Variants in PPP1R3F observed in about 807,000 individuals in gnomAD.
PPP1R3F encodes protein phosphatase 1 regulatory subunit 3F.
Under a neutral mutation model 24.2 loss-of-function variants are expected in PPP1R3F, and 29 were observed. The observed-to-expected ratio is 1.20, with a 90% CI of 0.89 to 1.63. PPP1R3F has a LOEUF of 1.63. Among genes scored for constraint, PPP1R3F ranks in the 40% most tolerant of loss-of-function variants. PPP1R3F has a pLI of 0.00. For missense variants in PPP1R3F, 823 were observed against 729.3 expected, an observed-to-expected ratio of 1.13 and a Z score of -1.48; for synonymous variants, 363 against 340.1, an observed-to-expected ratio of 1.07 and a Z score of -0.74.
In PPP1R3F at chrX:49,270,520, C is replaced by T. The variant is rs180878665; in HGVS notation, c.651C>T (p.Ile217=). 923 of 1,204,895 alleles carry T rather than the reference C, an allele frequency of 7.7e-4. 8 individuals are homozygous for T. The East Asian group carries it at 0.023, about 30-fold the overall frequency. Residue 217 remains isoleucine (I), a synonymous_variant, in exon 1 of 4, where the codon ATC becomes ATT. Transcript: ENST00000055335. The part of the protein sequence containing the change: ...GAGGTGAGDP[I]LDPGLGLGPG... ...GAGGAACAGGAGCAGGAGATCCCATCCTGGATCCGGGGCTCGGCCTGGGTC... is the reference window on the plus strand; with the variant it reads ...GAGGAACAGGAGCAGGAGATCCCATTCTGGATCCGGGGCTCGGCCTGGGTC...
At chrX:49,299,201 C>A (rs781790424) in intron 3 of PPP1R3F, among the ~76,000 whole-genome samples, 3 of 111,763 alleles carry the variant, frequency 2.7e-5, no homozygotes, top group South Asian at 7.6e-4. Context: ...GTGTGGATGT[C>A]CTTTTTGTTG....
intron 3 of PPP1R3F, among the ~76,000 whole-genome samples, chrX:49,282,335 T>C (rs1368786627): frequency 1.8e-5 from 2 of 111,611 alleles, no homozygotes; most frequent in Non-Finnish European, 3.8e-5. Flanking sequence ...TTGAGGGGGC[T>C]TATGTGTTAG....
At chrX:49,298,088 G>A (rs782298090) in intron 3 of PPP1R3F, among the ~76,000 whole-genome samples, 1 of 110,767 alleles carries the variant, frequency 9.0e-6, no homozygotes, top group South Asian at 3.8e-4. Context: ...TTGCCCATTC[G>A]TTCATGCAGT....
intron 3 of PPP1R3F, among the ~76,000 whole-genome samples, chrX:49,294,643 C>T (rs934414797): frequency 4.6e-5 from 5 of 109,573 alleles, no homozygotes; most frequent in African/African-American, 9.9e-5. Flanking sequence ...GGCAGGGTGG[C>T]TCACGCCTGT....
At chrX:49,285,397 T>C (rs1450961968) in intron 3 of PPP1R3F, among the ~76,000 whole-genome samples, 2 of 111,134 alleles carry the variant, frequency 1.8e-5, no homozygotes, top group East Asian at 5.6e-4. Context: ...GGTTTCACCA[T>C]GTTGGCCAGG....
intron 3 of PPP1R3F, among the ~76,000 whole-genome samples, chrX:49,293,977 G>A (rs964130538): frequency 3.6e-5 from 4 of 111,784 alleles, no homozygotes; most frequent in African/African-American, 1.3e-4. Context: ...CTGGGTGAAG[G>A]TATGAGACCC....
Position 49,272,103 on chromosome X carries a change from C to T in PPP1R3F, c.1004+1230C>T, listed in dbSNP as rs782353676. Among the ~76,000 whole-genome samples, 21 of 112,012 alleles carry T rather than the reference C, an allele frequency of 1.9e-4. No homozygotes were observed. The South Asian group carries it at 7.0e-3, about 37-fold the overall frequency. ...TTGTATGTATACGCTTGGTCAGAAGCCCCTGGCTGCAGTAAGACATTTGTG... is the reference window on the plus strand; with the variant it reads ...TTGTATGTATACGCTTGGTCAGAAGTCCCTGGCTGCAGTAAGACATTTGTG... On this transcript the variant is annotated intron_variant, in intron 1 of 3. Coordinates refer to ENST00000055335, the MANE Select transcript of PPP1R3F (RefSeq NM_033215.5).
At position 49,286,189 on chromosome X, in the gene PPP1R3F, G is replaced by A. The variant is rs1557121465; in HGVS notation, c.1499G>A (p.Arg500Gln). Residue 500 changes from arginine to glutamine, a missense_variant, in exon 4 of 4, where the codon CGG becomes CAG. Transcript: ENST00000055335. ...QLYLSHLSRLRAAVAAGGAGG... is the reference protein window; with the variant it reads ...QLYLSHLSRLQAAVAAGGAGG... ...TACCTGTCTCACCTGAGCCGCCTAC[G>A]GGCTGCTGTGGCTGCGGGTGGGGCA... 8.3e-6 allele frequency: 10 copies of A among 1,203,252 alleles called. No homozygotes were observed. The highest frequency in any genetic ancestry group is 5.4e-5 in the South Asian group (3 of 55,492).
rs1464884420 is a variant in PPP1R3F at position 49,287,224 on chromosome X, CAG to C, written c.*135_*136del. ...TCATCCCCAAGCTCTCCAGTCAACA[CAG>C]GGCTCCCTGTGGTGACACCAGTGGA... On this transcript the variant is annotated 3_prime_UTR_variant, in exon 4 of 4. Transcript: ENST00000055335. 1.6e-6 allele frequency: 1 copy of C among 626,903 alleles called. No homozygotes were observed. Among genetic ancestry groups the C allele is most frequent in the Non-Finnish European group, 2.4e-6 (1 of 417,833 alleles). The allele number at this position is 626,903 out of a possible 1,213,427, so 51.7% of individuals were successfully genotyped here.
chrX:49,272,542 C>T (rs1367869101), intron 1 of PPP1R3F, among the ~76,000 whole-genome samples: 1 of 112,723 alleles, frequency 8.9e-6, no homozygotes, highest in African/African-American at 3.2e-5. Context: ...ATTTAGGGAG[C>T]CACACCTACA....
chrX:49,284,673 G>A (rs1405098629), intron 3 of PPP1R3F, among the ~76,000 whole-genome samples: 4 of 109,798 alleles, frequency 3.6e-5, no homozygotes, highest in Non-Finnish European at 7.6e-5. Flanking sequence ...CACCACACCC[G>A]GCTGATTTTT....
In PPP1R3F at chrX:49,286,893, A is replaced by G. The variant is rs150379883; in HGVS notation, c.2203A>G (p.Ser735Gly). The change falls in exon 4 of 4, where the codon AGC becomes GGC. Residue 735 changes from serine to glycine, a missense_variant. By Grantham distance (56) the Ser-to-Gly change is moderately conservative. Transcript: ENST00000055335. ...CCAGGATGAAAAGGATGCAGGCCCA[A>G]GCCTTGAACCCCCAAAGAAGTCTCC... ...SSQDEKDAGP[S>G]LEPPKKSPTL... 5.0e-6 allele frequency: 6 copies of G among 1,192,403 alleles called. No homozygotes were observed. Among genetic ancestry groups the G allele is most frequent in the South Asian group, 1.9e-5 (1 of 53,545 alleles).
intron 3 of PPP1R3F, 54 bp downstream of exon 3, chrX:49,282,117 G>A (rs1468164144): frequency 2.0e-6 from 2 of 976,832 alleles, no homozygotes; most frequent in South Asian, 2.0e-5. Flanking sequence ...GGCTCACAGT[G>A]TGACTATTGC....
At chrX:49,298,752 T>C (rs1371089493) in intron 3 of PPP1R3F, among the ~76,000 whole-genome samples, 1 of 111,021 alleles carries the variant, frequency 9.0e-6, no homozygotes, top group Non-Finnish European at 1.9e-5. Context: ...TTTCATTAAG[T>C]TGATCTTCAG....
chrX:49,287,316 C>T lies in PPP1R3F; in HGVS notation c.*226C>T, dbSNP rs185349462. ...TTAGAGTGGAACTGGGCATGTCCTC[C>T]GCCTACCCCCCGAGCCTGTATTTAT... On this transcript the variant is annotated 3_prime_UTR_variant, in exon 4 of 4. Coordinates refer to ENST00000055335, the MANE Select transcript of PPP1R3F (RefSeq NM_033215.5). 1,691 of 385,616 alleles carry T rather than the reference C, an allele frequency of 4.4e-3. 4 individuals are homozygous for T. Among genetic ancestry groups the T allele is most frequent in the Non-Finnish European group, 3.9e-3 (888 of 226,427 alleles). The allele number at this position is 385,616 out of a possible 1,213,427, so 31.8% of individuals were successfully genotyped here.
At chrX:49,295,258 C>T (rs1229216913) in intron 3 of PPP1R3F, among the ~76,000 whole-genome samples, 3 of 111,338 alleles carry the variant, frequency 2.7e-5, no homozygotes, top group Non-Finnish European at 5.7e-5. Context: ...ATTCTCGTGT[C>T]TCAGCCTCCC....
chrX:49,298,631 C>T (rs1192933162), intron 3 of PPP1R3F, among the ~76,000 whole-genome samples: 6 of 111,585 alleles, frequency 5.4e-5, no homozygotes, highest in African/African-American at 6.5e-5. Context: ...CCATTCTCCC[C>T]GTCACTTTCA....
At chrX:49,292,395 A>G (rs1557122467), downstream of PPP1R3F, among the ~76,000 whole-genome samples, 2 of 113,054 alleles carry the variant, frequency 1.8e-5, no homozygotes, top group African/African-American at 6.4e-5. Context: ...TTTTTCCACA[A>G]GATGCACTGG....
chrX:49,274,977 C>T (rs971584449), intron 1 of PPP1R3F: 2 of 110,183 alleles, frequency 1.8e-5, no homozygotes, highest in Non-Finnish European at 3.8e-5. Context: ...CATCATCAGT[C>T]ACCTTTTCTC....
Sources: gnomAD v4.1 joint callset for allele counts (sites outside exome capture counted in the v4.1 genomes callset) on GRCh38, gnomAD v4.1.1 for gene constraint, MANE v1.5 for transcripts, NCBI Gene and HGNC (gene_info 2026-07-23, HGNC 2026-07-21) for gene names.